NEGR1: variants seen among roughly 807,000 people sequenced by gnomAD.
NEGR1 encodes the protein IgLON family member 4.
In NEGR1, 10 loss-of-function variants were observed where a neutral mutation model predicts 40.9. That is an observed-to-expected ratio of 0.24 (90% CI 0.15 to 0.42). The LOEUF is 0.42. NEGR1 is among the 10% of genes least tolerant of loss of function. The pLI is 1.00. For missense variants in NEGR1, 352 were observed against 438.9 expected (o/e 0.80, Z 1.77); for synonymous variants, 185 against 166.8 (o/e 1.11, Z -0.84).
At chr1:71,547,146 G>C (rs946422665) in intron 6 of NEGR1, among the ~76,000 whole-genome samples, 1 of 151,670 alleles carries the variant, frequency 6.6e-6, no homozygotes, top group African/African-American at 2.4e-5. Context: ...TGATGTTTTT[G>C]TTTCCATATA....
rs963574711 is a variant in NEGR1 at position 71,588,571 on chromosome 1, A to G, written c.940+4246T>C. The stretch of plus-strand genomic sequence containing the variant: ...TTGCTTTCTCTTTATTTTAGAAAAC[A>G]TACATTTTTACCTTAAGTAATTTAA... On this transcript the variant is annotated intron_variant, in intron 6 of 6. Coordinates refer to ENST00000357731, the MANE Select transcript of NEGR1 (RefSeq NM_173808.3). 2.6e-5 allele frequency among the ~76,000 whole-genome samples: 4 copies of G among 152,244 alleles called. 1 individual carries two copies. In the South Asian group the frequency reaches 8.3e-4, roughly 32 times the overall value.
At chr1:71,918,295 A>G (rs1661661636) in intron 2 of NEGR1, among the ~76,000 whole-genome samples, 1 of 146,280 alleles carries the variant, frequency 6.8e-6, no homozygotes, top group South Asian at 2.3e-4. Context: ...AAACAAGTGT[A>G]TGAACTGTGA....
At chr1:71,415,153 AC>A (rs1284843758) in intron 6 of NEGR1, among the ~76,000 whole-genome samples, 1 of 152,074 alleles carries the variant, frequency 6.6e-6, no homozygotes, top group Non-Finnish European at 1.5e-5. Flanking sequence ...TGATAAAAAA[AC>A]AATGTCTATC....
chr1:72,131,900 C>T (rs955012843), intron 1 of NEGR1, among the ~76,000 whole-genome samples: 4 of 152,070 alleles, frequency 2.6e-5, no homozygotes, highest in African/African-American at 7.2e-5. Flanking sequence ...AGTTTGAGAC[C>T]AGCCTGGCCA....
At chr1:71,437,005 A>G (rs1646514290) in intron 6 of NEGR1, among the ~76,000 whole-genome samples, 1 of 152,136 alleles carries the variant, frequency 6.6e-6, no homozygotes, top group Non-Finnish European at 1.5e-5. Flanking sequence ...TTCAAGTGCC[A>G]ATGTATATTC....
chr1:71,593,057 T>C (rs767791010), intron 5 of NEGR1, 89 bp from the exon 6 acceptor site: 14 of 830,614 alleles, frequency 1.7e-5, no homozygotes, highest in South Asian at 3.3e-5. Flanking sequence ...TGGCAACCCA[T>C]AGACAATTCA....
intron 6 of NEGR1, among the ~76,000 whole-genome samples, chr1:71,578,345 T>G (rs1294275104): frequency 3.3e-5 from 5 of 152,150 alleles, no homozygotes; most frequent in Non-Finnish European, 5.9e-5. Flanking sequence ...TAATTCTTCA[T>G]TGATCTGGGG....
Position 72,241,889 on chromosome 1 carries a change from T to C in NEGR1, c.176+40430A>G, listed in dbSNP as rs189178708. 5.0e-3 allele frequency among the ~76,000 whole-genome samples: 752 copies of C among 151,874 alleles called. 5 individuals carry two copies. The highest frequency in any genetic ancestry group is 0.017 in the African/African-American group (709 of 41,520). ...ATTAACTAATGAATAGCCAGTATAATAACTTCTAAACCTGCAAGATAAGTC... is the reference window on the plus strand; with the variant it reads ...ATTAACTAATGAATAGCCAGTATAACAACTTCTAAACCTGCAAGATAAGTC... On this transcript the variant is annotated intron_variant, in intron 1 of 6. Coordinates refer to ENST00000357731, the MANE Select transcript of NEGR1 (RefSeq NM_173808.3).
At chr1:72,251,333 C>T (rs1239662965) in intron 1 of NEGR1, among the ~76,000 whole-genome samples, 1 of 151,946 alleles carries the variant, frequency 6.6e-6, no homozygotes, top group Non-Finnish European at 1.5e-5. Context: ...GATATTTTTC[C>T]AACGAATCAT....
chr1:71,489,923 A>T (rs959155882), intron 6 of NEGR1: 1 of 151,984 alleles, frequency 6.6e-6, no homozygotes. Flanking sequence ...AGAGAAAAAA[A>T]GTCCTTCCCC....
intron 1 of NEGR1, among the ~76,000 whole-genome samples, chr1:72,049,768 T>G (rs1347868670): frequency 6.6e-6 from 1 of 151,618 alleles, no homozygotes; most frequent in Non-Finnish European, 1.5e-5. Flanking sequence ...TATCCCAATT[T>G]TTGGCATACT....
At chr1:71,651,975 A>C (rs898017719) in intron 4 of NEGR1, among the ~76,000 whole-genome samples, 3 of 152,154 alleles carry the variant, frequency 2.0e-5, no homozygotes, top group African/African-American at 7.2e-5. Context: ...AATTATACTA[A>C]ATGTTTTATG....
intron 1 of NEGR1, among the ~76,000 whole-genome samples, chr1:72,278,048 T>C (rs1054163214): frequency 6.6e-6 from 1 of 152,152 alleles, no homozygotes; most frequent in African/African-American, 2.4e-5. Context: ...TAAATACTTG[T>C]CATATTCATT....
chr1:71,621,594 GA>G (rs982922858), intron 4 of NEGR1, among the ~76,000 whole-genome samples: 1 of 150,288 alleles, frequency 6.7e-6, no homozygotes, highest in Non-Finnish European at 1.5e-5. Context: ...AAAAGGTACA[GA>G]AAAAAAACAA....
At chr1:72,013,414 A>G (rs1299339596) in intron 1 of NEGR1, among the ~76,000 whole-genome samples, 1 of 152,110 alleles carries the variant, frequency 6.6e-6, no homozygotes. Flanking sequence ...GGGTTCTGGG[A>G]GAGATCAGAG....
intron 6 of NEGR1, among the ~76,000 whole-genome samples, chr1:71,473,928 T>G (rs538601446): frequency 3.0e-4 from 46 of 152,232 alleles, no homozygotes; most frequent in African/African-American, 1.1e-3. Flanking sequence ...CATTTGGTCT[T>G]TAGTTCCTGC....
chr1:72,093,285 T>C (rs1167778509), intron 1 of NEGR1, among the ~76,000 whole-genome samples: 1 of 141,020 alleles, frequency 7.1e-6, no homozygotes, highest in South Asian at 2.1e-4. Context: ...GAGCAAAGAC[T>C]GTGCCACTGC....
intron 6 of NEGR1, among the ~76,000 whole-genome samples, chr1:71,469,228 T>C (rs1467935650): frequency 6.6e-6 from 1 of 152,038 alleles, no homozygotes; most frequent in East Asian, 1.9e-4. Context: ...AAACGATGTG[T>C]CTTTATCAGA....
intron 6 of NEGR1, among the ~76,000 whole-genome samples, chr1:71,566,492 T>G (rs2101487152): frequency 6.6e-6 from 1 of 152,314 alleles, no homozygotes; most frequent in African/African-American, 2.4e-5. Context: ...TCTCATTTAT[T>G]CATAGAAAGA....
Sources: gnomAD v4.1 joint callset for allele counts (sites outside exome capture counted in the v4.1 genomes callset) on GRCh38, gnomAD v4.1.1 for gene constraint, MANE v1.5 for transcripts, NCBI Gene and HGNC (gene_info 2026-07-23, HGNC 2026-07-21) for gene names.